The following RANBP2 variants were observed in gnomAD, a reference collection of about 807,000 sequenced individuals.
RANBP2 encodes E3 SUMO-protein ligase RanBP2.
In RANBP2, 57 loss-of-function variants were observed where a neutral mutation model predicts 303.6. The ratio of observed to expected loss-of-function variants is 0.19; its 90% CI spans 0.15 to 0.23. RANBP2 has a LOEUF of 0.23. RANBP2 is among the 10% of genes least tolerant of loss of function. The probability of loss-of-function intolerance (pLI) is 1.00; values close to 1 mark genes in which losing one functional copy is unlikely to be tolerated. For synonymous variants in RANBP2, 1,167 were observed against 1,301.5 expected (o/e 0.90, Z 2.23); for missense variants, 3,138 against 3,780.8 (o/e 0.83, Z 4.46).
the RANBP2 span, among the ~76,000 whole-genome samples, chr2:109,189,208 A>G: frequency 6.6e-6 from 1 of 151,364 alleles, no homozygotes. Flanking sequence ...CCCCCGAGAT[A>G]GAGGAGGCTC....
the RANBP2 span, among the ~76,000 whole-genome samples, chr2:109,306,219 G>T: frequency 6.6e-6 from 1 of 152,242 alleles, no homozygotes; most frequent in African/African-American, 2.4e-5. Flanking sequence ...GATGCAGTCT[G>T]CCAGATGCAG....
the RANBP2 span, among the ~76,000 whole-genome samples, chr2:109,375,999 A>G: frequency 1.8e-4 from 28 of 152,364 alleles, no homozygotes; most frequent in African/African-American, 5.8e-4. Flanking sequence ...CCTTCAAACA[A>G]GGGCAGTGGC....
At chr2:109,477,609 G>C in the RANBP2 span, among the ~76,000 whole-genome samples, 1 of 112,128 alleles carries the variant, frequency 8.9e-6, no homozygotes, top group Non-Finnish European at 1.9e-5. Context: ...AAATGCCACA[G>C]ATGGGTGTGT....
At chr2:109,614,894 CG>C in the RANBP2 span, 6 of 1,438,240 alleles carry the variant, frequency 4.2e-6, no homozygotes, top group African/African-American at 3.0e-5. Context: ...GCGAGCTGGG[CG>C]AGGGAGAGCC....
the RANBP2 span, chr2:109,398,794 G>A: frequency 1.9e-5 from 31 of 1,613,606 alleles, 1 homozygote; most frequent in South Asian, 9.9e-5. Context: ...CTCCTTCACC[G>A]CGCTCAGTGT....
chr2:108,954,814 T>A, the RANBP2 span, among the ~76,000 whole-genome samples: 1 of 152,118 alleles, frequency 6.6e-6, no homozygotes, highest in Non-Finnish European at 1.5e-5. Flanking sequence ...TAGCTAGTAT[T>A]ACAGGCGCCC....
the RANBP2 span, among the ~76,000 whole-genome samples, chr2:108,870,603 A>G: frequency 6.6e-6 from 1 of 152,258 alleles, no homozygotes; most frequent in Non-Finnish European, 1.5e-5. Context: ...CTGCAAAGCA[A>G]CAAAAGTAAA....
At chr2:108,962,949 G>A in the RANBP2 span, among the ~76,000 whole-genome samples, 6 of 152,302 alleles carry the variant, frequency 3.9e-5, no homozygotes, top group East Asian at 9.7e-4. Flanking sequence ...GAGAGCTACA[G>A]AGATGCCAAG....
At chr2:108,726,868 A>T (rs1694756428) in intron 1 of RANBP2, among the ~76,000 whole-genome samples, 2 of 152,094 alleles carry the variant, frequency 1.3e-5, no homozygotes, top group African/African-American at 4.8e-5. Context: ...GCATCTGTTT[A>T]ACAAAGCACA....
chr2:109,337,577 C>T, the RANBP2 span, among the ~76,000 whole-genome samples: 4 of 152,200 alleles, frequency 2.6e-5, no homozygotes, highest in South Asian at 2.1e-4. Context: ...GGAGCTTCCC[C>T]GAGCCTTTAG....
chr2:109,054,654 C>T, the RANBP2 span, among the ~76,000 whole-genome samples: 6 of 148,222 alleles, frequency 4.0e-5, no homozygotes, highest in African/African-American at 1.5e-4. Context: ...GAGCCAAGAT[C>T]GAACCACTGC....
At chr2:108,761,756 C>T (rs1676745823) in intron 18 of RANBP2, among the ~76,000 whole-genome samples, 1 of 152,114 alleles carries the variant, frequency 6.6e-6, no homozygotes, top group African/African-American at 2.4e-5. Context: ...TCCTTACGTC[C>T]TTTCTGTGAC....
chr2:109,527,766 G>A, the RANBP2 span, among the ~76,000 whole-genome samples: 1 of 152,170 alleles, frequency 6.6e-6, no homozygotes, highest in Non-Finnish European at 1.5e-5. Flanking sequence ...ATAAATAGAT[G>A]TGGCTGACAG....
At chr2:109,613,781 G>C in the RANBP2 span, 1 of 1,223,772 alleles carries the variant, frequency 8.2e-7, no homozygotes, top group Non-Finnish European at 1.0e-6. Context: ...TGGGGCCCCG[G>C]CGTCGGCGGG....
chr2:108,964,591 C>T, the RANBP2 span, among the ~76,000 whole-genome samples: 1 of 152,200 alleles, frequency 6.6e-6, no homozygotes, highest in African/African-American at 2.4e-5. Context: ...CTTTTAACAA[C>T]AAAGGGCAGC....
chr2:109,314,504 G>A, the RANBP2 span, among the ~76,000 whole-genome samples: 70 of 152,258 alleles, frequency 4.6e-4, 3 homozygotes, highest in Admixed American at 4.5e-3. Flanking sequence ...TGTCACCTCC[G>A]TGCAGGAATG....
chr2:109,544,050 T>C, the RANBP2 span: 2 of 1,106,054 alleles, frequency 1.8e-6, no homozygotes, highest in Non-Finnish European at 2.6e-6. Flanking sequence ...GTCAAGTCAG[T>C]GCTCAAAAAG....
chr2:109,222,867 A>AT, the RANBP2 span, among the ~76,000 whole-genome samples: 1 of 152,256 alleles, frequency 6.6e-6, no homozygotes, highest in African/African-American at 2.4e-5. Flanking sequence ...CTGTGACCAC[A>AT]TGGCATCCCC....
chr2:108,775,372 CTT>C (rs199580809), intron 23 of RANBP2, among the ~76,000 whole-genome samples: 1 of 152,112 alleles, frequency 6.6e-6, no homozygotes, highest in Non-Finnish European at 1.5e-5. Flanking sequence ...AGTAGAGTCT[CTT>C]TTTTTGCTGA....
Sources: allele counts gnomAD v4.1 joint callset (sites outside exome capture counted in the v4.1 genomes callset), GRCh38; gene constraint gnomAD v4.1.1; transcripts MANE v1.5; gene names NCBI Gene and HGNC (gene_info 2026-07-23, HGNC 2026-07-21).